The following SOX4 variants were observed in gnomAD, a reference collection of about 807,000 sequenced individuals.
SOX4 encodes the protein SRY-box transcription factor 4.
For synonymous variants in SOX4, 465 were observed against 348.4 expected, an observed-to-expected ratio of 1.33 and a Z score of -3.73; for missense variants, 662 against 694.9, an observed-to-expected ratio of 0.95 and a Z score of 0.53.
Position 21,595,942 on chromosome 6 carries a change from C to T in SOX4, c.1408C>T (p.Leu470=), listed in dbSNP as rs1278202300. The T allele has an allele frequency of 1.9e-6, 3 of 1,552,490 alleles. No homozygotes were observed. Among genetic ancestry groups the T allele is most frequent in the Admixed American group, 1.9e-5 (1 of 52,776 alleles). ...GDWLESSISN[L]VFTY ...CTGGCTCGAGTCCAGCATCTCCAAC[C>T]TGGTTTTCACCTACTGAAGGGCGCG... Residue 470 remains leucine, a synonymous_variant, in exon 1 of 1, where the codon CTG becomes TTG. Coordinates refer to ENST00000244745, the MANE Select transcript of SOX4 (RefSeq NM_003107.3).
In SOX4 at chr6:21,596,090, C is replaced by T. The variant is rs1763147562; in HGVS notation, c.*131C>T. On this transcript the variant is annotated 3_prime_UTR_variant, in exon 1 of 1. Transcript: ENST00000244745. ...AAAAAGAAAGAAAAAGTAAGCAGGG[C>T]TGGCTTCGCCCGCGTTCTCGTCGTC... is the stretch of plus-strand genomic sequence containing the variant. The T allele has an allele frequency of 1.5e-6, 2 of 1,341,400 alleles. No homozygotes were observed. Among genetic ancestry groups the T allele is most frequent in the Admixed American group, 3.7e-5 (1 of 27,202 alleles). The allele number at this position is 1,341,400 out of a possible 1,614,324, so 83.1% of individuals were successfully genotyped here. A position where few individuals can be genotyped will look rare whatever the true frequency, so the allele number is the denominator to read the frequency against.
rs202138038 is a variant in SOX4, at chr6:21,595,773, C to T, written c.1239C>T (p.Asn413=). 9.3e-6 allele frequency: 15 copies of T among 1,613,500 alleles called. No individual in the cohort carries two copies. The highest frequency in any genetic ancestry group is 1.7e-5 in the Admixed American group (1 of 60,008). Residue 413 remains asparagine, a synonymous_variant, in exon 1 of 1, where the codon AAC becomes AAT. Transcript: ENST00000244745. ...DDLLDLNPSS[N]FESMSLGSFS... Reference sequence around the variant, plus strand: ...TGCTCGACCTGAACCCCAGCTCAAACTTTGAGAGCATGTCCCTGGGCAGCT... The same window carrying T: ...TGCTCGACCTGAACCCCAGCTCAAATTTTGAGAGCATGTCCCTGGGCAGCT...
rs747430686 is a variant in SOX4 at position 21,595,964 on chromosome 6, C to T, written c.*5C>T. 2.7e-6 allele frequency: 4 copies of T among 1,483,298 alleles called. No homozygotes were observed. In the South Asian group the frequency reaches 3.9e-5, roughly 14 times the overall value. The allele number at this position is 1,483,298 out of a possible 1,614,324, so 91.9% of individuals were successfully genotyped here. A position where few individuals can be genotyped will look rare whatever the true frequency, so the allele number is the denominator to read the frequency against. Reference sequence around the variant, plus strand: ...AACCTGGTTTTCACCTACTGAAGGGCGCGCAGGCAGGGAGAAGGGCCGGGG... The same window carrying T: ...AACCTGGTTTTCACCTACTGAAGGGTGCGCAGGCAGGGAGAAGGGCCGGGG... On this transcript the variant is annotated 3_prime_UTR_variant, in exon 1 of 1. Coordinates refer to ENST00000244745, the MANE Select transcript of SOX4 (RefSeq NM_003107.3).
chr6:21,595,991 G>A lies in SOX4; in HGVS notation c.*32G>A, dbSNP rs760527295. The A allele has an allele frequency of 4.1e-6, 6 of 1,464,286 alleles. No homozygotes were observed. The highest frequency in any genetic ancestry group is 2.9e-5 in the African/African-American group (2 of 69,224). The allele number at this position is 1,464,286 out of a possible 1,614,324, so 90.7% of individuals were successfully genotyped here. Reference sequence around the variant, plus strand: ...CGCAGGCAGGGAGAAGGGCCGGGGGGGGTAGGAGAGGAGAAAAAAAAAGTG... The same window carrying A: ...CGCAGGCAGGGAGAAGGGCCGGGGGAGGTAGGAGAGGAGAAAAAAAAAGTG... On this transcript the variant is annotated 3_prime_UTR_variant, in exon 1 of 1. Transcript: ENST00000244745.
In SOX4 at chr6:21,595,411, G is replaced by C; in HGVS notation, c.877G>C (p.Val293Leu). 2 of 1,535,486 alleles carry C rather than the reference G, an allele frequency of 1.3e-6. No individual in the cohort carries two copies. Among genetic ancestry groups the C allele is most frequent in the South Asian group, 1.2e-5 (1 of 85,486 alleles). The change falls in exon 1 of 1, where the codon GTG becomes CTG. Residue 293 changes from valine to leucine, a missense_variant. Coordinates refer to ENST00000244745, the MANE Select transcript of SOX4 (RefSeq NM_003107.3). ...GGGCAAGCACCTGGCGGAGAAGAAG[G>C]TGAAGCGCGTCTACCTGTTCGGCGG... ...APGKHLAEKK[V>L]KRVYLFGGLG... is the part of the protein sequence containing the mutation.
rs867957273 is a variant in SOX4, at chr6:21,596,307, C to G, written c.*348C>G. 1 of 194,572 alleles carries G rather than the reference C, an allele frequency of 5.1e-6. No homozygotes were observed. The highest frequency in any genetic ancestry group is 1.1e-5 in the Non-Finnish European group (1 of 87,138). The allele number at this position is 194,572 out of a possible 1,614,324, so 12.1% of individuals were successfully genotyped here. ...GCGACTTCGAGTTTGCTCCCCTTTG[C>G]TTGAAGAGACCCCCTCCCCCTTCCA... is the stretch of plus-strand genomic sequence containing the variant. On this transcript the variant is annotated 3_prime_UTR_variant, in exon 1 of 1. Coordinates refer to ENST00000244745, the MANE Select transcript of SOX4 (RefSeq NM_003107.3).
In SOX4 at chr6:21,594,051, G is replaced by C. The variant is rs1406679623; in HGVS notation, c.-484G>C. 1.3e-5 allele frequency: 2 copies of C among 152,292 alleles called. No homozygotes were observed. The highest frequency in any genetic ancestry group is 1.9e-4 in the East Asian group (1 of 5,156). 9.4% of individuals were successfully genotyped at this position (152,292 alleles called of 1,614,324 possible). A position where few individuals can be genotyped will look rare whatever the true frequency, so the allele number is the denominator to read the frequency against. ...CTTTGCATTGTAGGAGAGGGACTAA[G>C]TGCTAGAGACTATGTCGCTTTCCTG... On this transcript the variant is annotated 5_prime_UTR_variant, in exon 1 of 1. Transcript: ENST00000244745.
Position 21,594,976 on chromosome 6 carries a change from T to A in SOX4, c.442T>A (p.Ser148Thr), listed in dbSNP as rs753643945. 1 of 1,596,432 alleles carries A rather than the reference T, an allele frequency of 6.3e-7. No individual in the cohort carries two copies. Among genetic ancestry groups the A allele is most frequent in the South Asian group, 1.1e-5 (1 of 88,622 alleles). ...CAACTCCAGCTCCTCGGCCGCCGCC[T>A]CCTCCAAGCCGGGGGAGAAGGGAGA... ...NANSSSSAAA[S>T]SKPGEKGDKV... The change falls in exon 1 of 1, where the codon TCC becomes ACC. Residue 148 changes from serine (S) to threonine (T), a missense_variant. Coordinates refer to ENST00000244745, the MANE Select transcript of SOX4 (RefSeq NM_003107.3).
In SOX4 at chr6:21,595,764, C is replaced by G; in HGVS notation, c.1230C>G (p.Pro410=). Residue 410 remains proline (P), a synonymous_variant, in exon 1 of 1, where the codon CCC becomes CCG. Transcript: ENST00000244745. ...AAGACGACCTGCTCGACCTGAACCC[C>G]AGCTCAAACTTTGAGAGCATGTCCC... The part of the protein sequence containing the change: ...EFEDDLLDLN[P]SSNFESMSLG... The G allele has an allele frequency of 4.3e-6, 7 of 1,613,476 alleles. No homozygotes were observed. The highest frequency in any genetic ancestry group is 4.5e-5 in the East Asian group (2 of 44,846).
In SOX4 at chr6:21,595,331, GCGCCTCGGCCTC is replaced by G; in HGVS notation, c.804_815del (p.Ala269_Ser272del). 1 of 1,494,782 alleles carries G rather than the reference GCGCCTCGGCCTC, an allele frequency of 6.7e-7. No homozygotes were observed. Among genetic ancestry groups the G allele is most frequent in the Non-Finnish European group, 8.9e-7 (1 of 1,129,474 alleles). 92.6% of individuals were successfully genotyped at this position (1,494,782 alleles called of 1,614,324 possible). A position where few individuals can be genotyped will look rare whatever the true frequency, so the allele number is the denominator to read the frequency against. On this transcript the variant is annotated inframe_deletion, in exon 1 of 1. Transcript: ENST00000244745. ...TCGCTGTACAAGGCGCGGACTCCCA[GCGCCTCGGCCTC>G]CGCCTCCTCGGCAGCCTCGGCCTCC...
At position 21,595,426 on chromosome 6, in the gene SOX4, C is replaced by T. The variant is rs767703977; in HGVS notation, c.892C>T (p.Leu298=). 7.2e-6 allele frequency: 11 copies of T among 1,524,468 alleles called. No homozygotes were observed. Among genetic ancestry groups the T allele is most frequent in the Non-Finnish European group, 9.6e-6 (11 of 1,143,886 alleles). 94.4% of individuals were successfully genotyped at this position (1,524,468 alleles called of 1,614,324 possible). ...GGAGAAGAAGGTGAAGCGCGTCTAC[C>T]TGTTCGGCGGCCTGGGCACGTCGTC... ...LAEKKVKRVY[L]FGGLGTSSSP... Residue 298 remains leucine (L), a synonymous_variant, in exon 1 of 1, where the codon CTG becomes TTG. Transcript: ENST00000244745.
At position 21,598,287 on chromosome 6, in the gene SOX4, G is replaced by T. The variant is rs1582605330; in HGVS notation, c.*2328G>T. The T allele has an allele frequency of 6.0e-6, 1 of 167,158 alleles. No individual in the cohort carries two copies. Among genetic ancestry groups the T allele is most frequent in the Middle Eastern group, 3.4e-3 (1 of 296 alleles). 10.4% of individuals were successfully genotyped at this position (167,158 alleles called of 1,614,324 possible). ...ATTGAAAAAAGTGGAAAACATCTTT[G>T]TACATTTAAGTCTGTATTATAATAA... On this transcript the variant is annotated 3_prime_UTR_variant, in exon 1 of 1. Coordinates refer to ENST00000244745, the MANE Select transcript of SOX4 (RefSeq NM_003107.3).
chr6:21,595,354 G>A lies in SOX4; in HGVS notation c.820G>A (p.Ala274Thr), dbSNP rs763035958. Residue 274 changes from alanine (A) to threonine (T), a missense_variant, in exon 1 of 1, where the codon GCA becomes ACA. Ala to Thr is a moderately conservative substitution (Grantham distance 58). Transcript: ENST00000244745. ...TPSASASASS[A>T]ASASAALAAP... ...CAGCGCCTCGGCCTCCGCCTCCTCG[G>A]CAGCCTCGGCCTCCGCAGCGCTCGC... 2.6e-6 allele frequency: 4 copies of A among 1,523,394 alleles called. No individual in the cohort carries two copies. The highest frequency in any genetic ancestry group is 1.4e-5 in the African/African-American group (1 of 69,912). 94.4% of individuals were successfully genotyped at this position (1,523,394 alleles called of 1,614,324 possible). A position where few individuals can be genotyped will look rare whatever the true frequency, so the allele number is the denominator to read the frequency against.
rs1763084794 is a variant in SOX4 at position 21,594,226 on chromosome 6, C to T, written c.-309C>T. 1 of 299,860 alleles carries T rather than the reference C, an allele frequency of 3.3e-6. No homozygotes were observed. Among genetic ancestry groups the T allele is most frequent in the Non-Finnish European group, 6.1e-6 (1 of 164,662 alleles). 18.6% of individuals were successfully genotyped at this position (299,860 alleles called of 1,614,324 possible). A position where few individuals can be genotyped will look rare whatever the true frequency, so the allele number is the denominator to read the frequency against. ...AAACTCCTCTCTACTTTAGCACGGT[C>T]TCCAGACTCAGCCGAGAGACAGCAA... On this transcript the variant is annotated 5_prime_UTR_variant, in exon 1 of 1. Coordinates refer to ENST00000244745, the MANE Select transcript of SOX4 (RefSeq NM_003107.3).
rs756844856 is a variant in SOX4 at position 21,595,400 on chromosome 6, C to T, written c.866C>T (p.Ala289Val). ...AALAAPGKHL[A>V]EKKVKRVYLF... ...CTCGCGGCCCCGGGCAAGCACCTGG[C>T]GGAGAAGAAGGTGAAGCGCGTCTAC... The change falls in exon 1 of 1, where the codon GCG becomes GTG. Residue 289 changes from alanine to valine, a missense_variant. Transcript: ENST00000244745. 34 of 1,537,222 alleles carry T rather than the reference C, an allele frequency of 2.2e-5. 1 individual carries two copies. The South Asian group carries it at 2.8e-4, about 13-fold the overall frequency.
rs566625299 is a variant in SOX4, at chr6:21,597,233, C to G, written c.*1274C>G. ...TTCTTAACTCTTTAAAGGATTCAAA[C>G]GCAACTCAAATCTGTGCTGGACTTT... is the stretch of plus-strand genomic sequence containing the variant. On this transcript the variant is annotated 3_prime_UTR_variant, in exon 1 of 1. Transcript: ENST00000244745. 1 of 166,776 alleles carries G rather than the reference C, an allele frequency of 6.0e-6. No homozygotes were observed. The highest frequency in any genetic ancestry group is 2.1e-4 in the South Asian group (1 of 4,828). 10.3% of individuals were successfully genotyped at this position (166,776 alleles called of 1,614,324 possible). A position where few individuals can be genotyped will look rare whatever the true frequency, so the allele number is the denominator to read the frequency against.
rs1365612051 is a variant in SOX4 at position 21,594,639 on chromosome 6, G to T, written c.105G>T (p.Thr35=). ...AGCTGGGAATCGCCTCCTCCCCCAC[G>T]CCCGGCTCCACCGCCTCCACGGGCG... is the stretch of plus-strand genomic sequence containing the variant. ...GLELGIASSP[T]PGSTASTGGK... The change falls in exon 1 of 1, where the codon ACG becomes ACT. Residue 35 remains threonine (T), a synonymous_variant. Coordinates refer to ENST00000244745, the MANE Select transcript of SOX4 (RefSeq NM_003107.3). 1 of 1,604,182 alleles carries T rather than the reference G, an allele frequency of 6.2e-7. No homozygotes were observed. The highest frequency in any genetic ancestry group is 8.5e-7 in the Non-Finnish European group (1 of 1,176,260).
chr6:21,595,115 C>A lies in SOX4; in HGVS notation c.581C>A (p.Ala194Glu). Residue 194 changes from alanine to glutamate, a missense_variant, in exon 1 of 1, where the codon GCG becomes GAG. Transcript: ENST00000244745. ...ASGGGANSKP[A>E]QKKSCGSKVA... Reference sequence around the variant, plus strand: ...GGCGGCGGCGCCAACTCCAAACCGGCGCAGAAAAAGAGCTGCGGCTCCAAA... The same window carrying A: ...GGCGGCGGCGCCAACTCCAAACCGGAGCAGAAAAAGAGCTGCGGCTCCAAA... 1 of 1,374,482 alleles carries A rather than the reference C, an allele frequency of 7.3e-7. No homozygotes were observed. The highest frequency in any genetic ancestry group is 1.8e-5 in the South Asian group (1 of 56,690). 85.1% of individuals were successfully genotyped at this position (1,374,482 alleles called of 1,614,324 possible).
Position 21,594,292 on chromosome 6 carries a change from ACT to A in SOX4, c.-239_-238del. 5.0e-6 allele frequency: 2 copies of A among 403,638 alleles called. No homozygotes were observed. The highest frequency in any genetic ancestry group is 4.2e-6 in the Non-Finnish European group (1 of 235,600). 25.0% of individuals were successfully genotyped at this position (403,638 alleles called of 1,614,324 possible). ...GAGAGCGAGAGAGAGGGAGAGAGAGACTCTCCAGCCTGGGAACTATAACTCCT... is the reference window on the plus strand; with the variant it reads ...GAGAGCGAGAGAGAGGGAGAGAGAGACTCCAGCCTGGGAACTATAACTCCT... On this transcript the variant is annotated 5_prime_UTR_variant, in exon 1 of 1. Transcript: ENST00000244745.
Sources: allele counts gnomAD v4.1 joint callset, GRCh38; gene constraint gnomAD v4.1.1; transcripts MANE v1.5; gene names NCBI Gene and HGNC (gene_info 2026-07-23, HGNC 2026-07-21).